Variants in PPP1R16A observed in about 807,000 individuals in gnomAD.
The protein encoded by PPP1R16A is myosin phosphatase-targeting subunit 3.
Under a neutral mutation model 46.6 loss-of-function variants are expected in PPP1R16A, and 39 were observed. The observed-to-expected ratio is 0.84, with a 90% confidence interval of 0.65 to 1.09. The LOEUF is 1.09. Among genes scored for constraint, PPP1R16A ranks in the 50% least tolerant of loss-of-function variants. The probability of loss-of-function intolerance (pLI) is 0.00; values close to 1 mark genes in which losing one functional copy is unlikely to be tolerated. For missense variants in PPP1R16A, 798 were observed against 735.6 expected (o/e 1.08, Z -0.98); for synonymous variants, 413 against 321.5 (o/e 1.28, Z -3.04).
Position 144,500,380 on chromosome 8 carries a change from G to A in PPP1R16A, c.694G>A (p.Gly232Arg), listed in dbSNP as rs1008665389. 1.3e-6 allele frequency: 2 copies of A among 1,529,370 alleles called. No individual in the cohort carries two copies. Among genetic ancestry groups the A allele is most frequent in the Admixed American group, 2.0e-5 (1 of 50,390 alleles). 94.7% of individuals were successfully genotyped at this position (1,529,370 alleles called of 1,614,324 possible). Residue 232 changes from glycine to arginine, a missense_variant, in exon 7 of 12, where the codon GGG becomes AGG. Transcript: ENST00000435887. ...AGACCTCCATGCCCCCCTGGACCAC[G>A]GGGCCACGCTGGTGAGGGCTGGGGG... ...GADLHAPLDHGATLLHVAAAN... is the reference protein window; with the variant it reads ...GADLHAPLDHRATLLHVAAAN...
chr8:144,501,746 A>G lies in PPP1R16A; in HGVS notation c.1430A>G (p.Glu477Gly), dbSNP rs1366484739. The G allele has an allele frequency of 6.3e-7, 1 of 1,575,092 alleles. No individual in the cohort carries two copies. The change falls in exon 12 of 12, where the codon GAG becomes GGG. Residue 477 changes from glutamate (E) to glycine (G), a missense_variant. Glu to Gly is a moderately conservative substitution (Grantham distance 98, BLOSUM62 -2). Coordinates refer to ENST00000435887, the MANE Select transcript of PPP1R16A (RefSeq NM_001329443.2). The part of the protein sequence containing the change: ...KLQRPPPEGP[E>G]SPETAEPGLP... ...CAGCGACCCCCACCTGAGGGGCCCG[A>G]GAGCCCTGAGACAGCTGAGCCTGGC... is the stretch of plus-strand genomic sequence containing the variant.
chr8:144,500,036 G>C (rs1413491852), intron 5 of PPP1R16A, 60 bp from the exon 6 acceptor site: 3 of 1,533,112 alleles, frequency 2.0e-6, no homozygotes, highest in Non-Finnish European at 8.8e-7. Context: ...TTCTCCAAGT[G>C]AGGAGCCTGG....
intron 3 of PPP1R16A, chr8:144,497,665 G>A (rs1015380634): frequency 1.5e-5 from 11 of 712,728 alleles, no homozygotes; most frequent in African/African-American, 5.2e-5. Flanking sequence ...AGCCTGTGCG[G>A]GACAGCCGTC....
intron 1 of PPP1R16A, among the ~76,000 whole-genome samples, chr8:144,480,521 T>G (rs1244339096): frequency 6.6e-6 from 1 of 150,846 alleles, no homozygotes; most frequent in Non-Finnish European, 1.5e-5. Context: ...AGAGTCTTGC[T>G]CTGTAGCCAG....
chr8:144,487,518 C>T (rs183176123), intron 1 of PPP1R16A, among the ~76,000 whole-genome samples: 1 of 152,274 alleles, frequency 6.6e-6, no homozygotes, highest in African/African-American at 2.4e-5. Flanking sequence ...TGCAGGGGTG[C>T]ACCACCATGC....
At chr8:144,488,435 C>T (rs146254130) in intron 1 of PPP1R16A, among the ~76,000 whole-genome samples, 220 of 152,050 alleles carry the variant, frequency 1.4e-3, no homozygotes, top group Non-Finnish European at 2.6e-3. Flanking sequence ...GGCATGGCAG[C>T]GAGGGAGGCA....
chr8:144,498,861 G>T, intron 4 of PPP1R16A, 21 bp downstream of exon 4: 1 of 1,612,264 alleles, frequency 6.2e-7, no homozygotes. Flanking sequence ...ACTGGGTGTG[G>T]GCAGGGTGGG....
rs1020296591 is a variant in PPP1R16A at position 144,496,937 on chromosome 8, A to G, written c.-258A>G. On this transcript the variant is annotated 5_prime_UTR_variant, in exon 3 of 12. Transcript: ENST00000435887. ...GGGAGGCGAGGCGCTGCTTGTCGAC[A>G]GCTAGAGGCTGGCCTGGGGAGCAGG... 1.9e-5 allele frequency: 11 copies of G among 581,570 alleles called. No individual in the cohort carries two copies. The highest frequency in any genetic ancestry group is 2.8e-5 in the Non-Finnish European group (9 of 325,950). 36.0% of individuals were successfully genotyped at this position (581,570 alleles called of 1,614,324 possible). A position where few individuals can be genotyped will look rare whatever the true frequency, so the allele number is the denominator to read the frequency against.
At position 144,493,377 on chromosome 8, in the gene PPP1R16A, C is replaced by T. The variant is rs1825899441; in HGVS notation, c.-734-3084C>T. Among the ~76,000 whole-genome samples, 1 of 152,198 alleles carries T rather than the reference C, an allele frequency of 6.6e-6. No individual in the cohort carries two copies. The highest frequency in any genetic ancestry group is 2.1e-4 in the South Asian group (1 of 4,836). On this transcript the variant is annotated intron_variant, in intron 2 of 11. Coordinates refer to ENST00000435887, the MANE Select transcript of PPP1R16A (RefSeq NM_001329443.2). The surrounding 1 kb of genome is among the most constrained non-coding windows in gnomAD (Gnocchi z 4.3). ...TAGAGGGAGCCGCCCTGCCCAGCCC[C>T]CTCAGCCTGGGTGTGTCCATTTGGT...
intron 2 of PPP1R16A, among the ~76,000 whole-genome samples, chr8:144,492,833 G>T (rs962828759): frequency 6.6e-6 from 1 of 152,058 alleles, no homozygotes; most frequent in African/African-American, 2.4e-5. Context: ...TCTTTGAATG[G>T]CATGCGGCCT....
At chr8:144,492,536 C>G (rs918018908) in intron 2 of PPP1R16A, among the ~76,000 whole-genome samples, 1 of 152,038 alleles carries the variant, frequency 6.6e-6, no homozygotes, top group African/African-American at 2.4e-5. Context: ...GGGGTTTTAC[C>G]TTGTTAGCAA....
At chr8:144,498,149 C>T (rs752306902) in intron 3 of PPP1R16A, 50 of 447,136 alleles carry the variant, frequency 1.1e-4, no homozygotes, top group Admixed American at 2.4e-4. Flanking sequence ...GGACAGGAGC[C>T]CTCCCGGGAG....
chr8:144,499,299 G>A (rs1022703925), intron 5 of PPP1R16A: 8 of 566,420 alleles, frequency 1.4e-5, no homozygotes, highest in Non-Finnish European at 1.5e-5. Flanking sequence ...GAGAGGGCAG[G>A]CCTCGGGCCC....
Position 144,500,918 on chromosome 8 carries a change from G to T in PPP1R16A, c.984G>T (p.Gln328His). 6.5e-7 allele frequency: 1 copy of T among 1,531,440 alleles called. No individual in the cohort carries two copies. 94.9% of individuals were successfully genotyped at this position (1,531,440 alleles called of 1,614,324 possible). A position where few individuals can be genotyped will look rare whatever the true frequency, so the allele number is the denominator to read the frequency against. The change falls in exon 10 of 12, where the codon CAG becomes CAT. Residue 328 changes from glutamine (Q) to histidine (H), a missense_variant. Transcript: ENST00000435887. The stretch of plus-strand genomic sequence containing the variant: ...AGCACGACGCCCTCCTGCGCGCCCA[G>T]AGCCGCCAGCGCTCCTTGCTGCGCC... ...KHKHDALLRAQSRQRSLLRRR... is the reference protein window; with the variant it reads ...KHKHDALLRAHSRQRSLLRRR...
intron 10 of PPP1R16A, 25 bp downstream of exon 10, chr8:144,500,996 C>G: frequency 2.1e-6 from 3 of 1,434,842 alleles, no homozygotes; most frequent in Non-Finnish European, 2.7e-6. Context: ...CAGCAGGCCC[C>G]GCCCCGGGCT....
At chr8:144,487,056 C>T (rs539195167) in intron 1 of PPP1R16A, among the ~76,000 whole-genome samples, 3 of 151,188 alleles carry the variant, frequency 2.0e-5, no homozygotes, top group South Asian at 2.1e-4. Context: ...GGTGTGATCT[C>T]GGCTCACTGC....
intron 3 of PPP1R16A, chr8:144,498,467 G>A (rs1156640797): frequency 1.9e-5 from 8 of 432,284 alleles, no homozygotes; most frequent in East Asian, 3.9e-5. Flanking sequence ...CTGGGCTGGA[G>A]GGAGGTGTGG....
At chr8:144,492,838 C>G (rs1190796942) in intron 2 of PPP1R16A, among the ~76,000 whole-genome samples, 1 of 152,168 alleles carries the variant, frequency 6.6e-6, no homozygotes, top group African/African-American at 2.4e-5. Flanking sequence ...GAATGGCATG[C>G]GGCCTCTACC....
intron 1 of PPP1R16A, 152 bp downstream of exon 1, chr8:144,478,279 G>A (rs990386206): frequency 1.3e-5 from 5 of 385,290 alleles, no homozygotes; most frequent in East Asian, 1.1e-4. Context: ...AGAGGAGAGG[G>A]AGGAGGCCGG....
Sources: allele counts gnomAD v4.1 joint callset (sites outside exome capture counted in the v4.1 genomes callset), GRCh38; gene constraint gnomAD v4.1.1; non-coding constraint Gnocchi (gnomAD v3.1); transcripts MANE v1.5; gene names NCBI Gene and HGNC (gene_info 2026-07-23, HGNC 2026-07-21).